The following CLEC16A variants were observed in gnomAD, a reference collection of about 807,000 sequenced individuals.
CLEC16A encodes protein CLEC16A.
Under a neutral mutation model 109.5 loss-of-function variants are expected in CLEC16A, and 51 were observed. The ratio of observed to expected loss-of-function variants is 0.47; its 90% CI spans 0.37 to 0.59. The LOEUF (loss-of-function observed/expected upper bound fraction) is 0.59, where lower values mean the gene tolerates loss of function less well. CLEC16A is among the 20% of genes least tolerant of loss of function. CLEC16A has a pLI of 0.00. For missense variants in CLEC16A, 1,339 were observed against 1,394.0 expected, an observed-to-expected ratio of 0.96 and a Z score of 0.63; for synonymous variants, 673 against 564.2, an observed-to-expected ratio of 1.19 and a Z score of -2.73.
At chr16:11,134,873 T>A (rs1254669309) in intron 22 of CLEC16A, among the ~76,000 whole-genome samples, 1 of 152,212 alleles carries the variant, frequency 6.6e-6, no homozygotes, top group Non-Finnish European at 1.5e-5. Flanking sequence ...CTAGACAGAA[T>A]GTTCCCTACT....
At chr16:10,992,089 G>T (rs907186376) in intron 10 of CLEC16A, among the ~76,000 whole-genome samples, 1 of 152,240 alleles carries the variant, frequency 6.6e-6, no homozygotes, top group Non-Finnish European at 1.5e-5. Flanking sequence ...CCCCAGGACA[G>T]CTTCCTGGTA....
At chr16:11,075,047 C>T (rs1345751195) in intron 19 of CLEC16A, among the ~76,000 whole-genome samples, 3 of 152,130 alleles carry the variant, frequency 2.0e-5, no homozygotes, top group Non-Finnish European at 2.9e-5. Flanking sequence ...GTAATGATTG[C>T]ACCACTGCAC....
At chr16:11,113,721 C>T (rs928107142) in intron 19 of CLEC16A, among the ~76,000 whole-genome samples, 1 of 152,160 alleles carries the variant, frequency 6.6e-6, no homozygotes. Context: ...TTCTACTCAT[C>T]GTATGTTCTT....
At chr16:11,082,507 G>A (rs1056978758) in intron 19 of CLEC16A, among the ~76,000 whole-genome samples, 6 of 152,204 alleles carry the variant, frequency 3.9e-5, no homozygotes, top group African/African-American at 1.4e-4. Flanking sequence ...GGGGCTACAG[G>A]TAAGACTTGA....
At chr16:11,020,157 G>C (rs1180563708) in intron 11 of CLEC16A, 36 bp from the exon 12 acceptor site, 1 of 1,591,000 alleles carries the variant, frequency 6.3e-7, no homozygotes, top group South Asian at 1.1e-5. Flanking sequence ...CTGAAAAGCT[G>C]TCTGGACTCA....
At chr16:11,133,338 CA>C (rs577277748) in intron 22 of CLEC16A, among the ~76,000 whole-genome samples, 257 of 127,332 alleles carry the variant, frequency 2.0e-3, no homozygotes, top group Admixed American at 3.6e-3. Context: ...GACTCTGTCT[CA>C]AAAAAAAAAA....
chr16:11,063,420 G>A (rs1018929105), intron 19 of CLEC16A, among the ~76,000 whole-genome samples: 1 of 151,784 alleles, frequency 6.6e-6, no homozygotes, highest in Non-Finnish European at 1.5e-5. Context: ...GACAGGTGAA[G>A]CCATTCTTGC....
chr16:11,173,452 C>G lies in CLEC16A; in HGVS notation c.2807-4883C>G, dbSNP rs142770214. On this transcript the variant is annotated intron_variant, in intron 23 of 23. Transcript: ENST00000409790. ...CCAATTAGAAGCCCCACTCGGCCAC[C>G]TGGCACCTGGTCTCCGCTCTCCTGC... Among the ~76,000 whole-genome samples, 1,136 of 151,388 alleles carry G rather than the reference C, an allele frequency of 7.5e-3. 14 individuals carry two copies. Among genetic ancestry groups the G allele is most frequent in the African/African-American group, 0.026 (1,085 of 41,094 alleles).
At chr16:11,137,587 TAAAAAAA>T (rs5815617) in intron 22 of CLEC16A, among the ~76,000 whole-genome samples, 32 of 59,344 alleles carry the variant, frequency 5.4e-4, no homozygotes, top group East Asian at 3.3e-3. Flanking sequence ...AGACTCCATC[TAAAAAAA>T]AAAAAAAAAA....
chr16:11,156,550 G>T (rs1050209784), intron 22 of CLEC16A: 1 of 1,292,946 alleles, frequency 7.7e-7, no homozygotes, highest in Non-Finnish European at 1.0e-6. Flanking sequence ...TGTCTAACCC[G>T]CCTTCCTCCT....
chr16:11,030,085 A>C (rs1227538802), intron 13 of CLEC16A, among the ~76,000 whole-genome samples: 2 of 152,220 alleles, frequency 1.3e-5, no homozygotes, highest in African/African-American at 4.8e-5. Context: ...GCTGAGTAAC[A>C]TTCCATTATA....
chr16:11,115,536 T>C (rs369931173), intron 19 of CLEC16A, among the ~76,000 whole-genome samples: 10 of 152,212 alleles, frequency 6.6e-5, no homozygotes, highest in African/African-American at 2.2e-4. Flanking sequence ...CTACAGCCAG[T>C]TGATTTTTCT....
At chr16:11,094,784 T>C (rs1316956184) in intron 19 of CLEC16A, among the ~76,000 whole-genome samples, 1 of 152,268 alleles carries the variant, frequency 6.6e-6, no homozygotes, top group East Asian at 1.9e-4. Context: ...ATGGTTGCCA[T>C]GAATTTTACG....
chr16:11,106,356 A>T (rs1000429705), intron 19 of CLEC16A, among the ~76,000 whole-genome samples: 1 of 151,906 alleles, frequency 6.6e-6, no homozygotes, highest in Admixed American at 6.6e-5. Context: ...TGTTTTGATC[A>T]TAGCTCACTG....
At chr16:11,002,619 A>G (rs1001082985) in intron 10 of CLEC16A, among the ~76,000 whole-genome samples, 2 of 152,086 alleles carry the variant, frequency 1.3e-5, no homozygotes, top group Admixed American at 1.3e-4. Context: ...CACTGGACCC[A>G]CCAAACACCC....
At chr16:10,996,555 G>C (rs1015123240) in intron 10 of CLEC16A, among the ~76,000 whole-genome samples, 4 of 152,152 alleles carry the variant, frequency 2.6e-5, no homozygotes, top group Non-Finnish European at 4.4e-5. Flanking sequence ...TCCAAGACTT[G>C]TATCAGTCAT....
At chr16:11,014,921 A>AC (rs2045651049) in intron 11 of CLEC16A, among the ~76,000 whole-genome samples, 1 of 152,320 alleles carries the variant, frequency 6.6e-6, no homozygotes, top group East Asian at 1.9e-4. Flanking sequence ...AGGGGAGGTC[A>AC]AGTCCTCTTT....
intron 19 of CLEC16A, among the ~76,000 whole-genome samples, chr16:11,114,361 C>G (rs1012364089): frequency 6.6e-6 from 1 of 152,070 alleles, no homozygotes; most frequent in Non-Finnish European, 1.5e-5. Context: ...ATTGGAGATT[C>G]GATGGGCAGT....
chr16:11,027,262 A>C (rs2046461129), intron 13 of CLEC16A: 4 of 1,547,652 alleles, frequency 2.6e-6, no homozygotes. Context: ...CATGCCGTGG[A>C]ATTGCCAGAT....
Sources: allele counts gnomAD v4.1 joint callset (sites outside exome capture counted in the v4.1 genomes callset), GRCh38; gene constraint gnomAD v4.1.1; transcripts MANE v1.5; gene names NCBI Gene and HGNC (gene_info 2026-07-23, HGNC 2026-07-21).